The following SUMF1 variants were observed in gnomAD, a reference collection of about 807,000 sequenced individuals.
The protein encoded by SUMF1 is sulfatase modifying factor 1, also known as formylglycine-generating enzyme.
In SUMF1, 48 loss-of-function variants were observed where a neutral mutation model predicts 47.6. That is an observed-to-expected ratio of 1.01 (90% confidence interval 0.80 to 1.28). SUMF1 has a LOEUF of 1.28. SUMF1 is among the 50% of genes most tolerant of loss of function. The pLI is 0.00. For missense variants in SUMF1, 571 were observed against 485.4 expected, an observed-to-expected ratio of 1.18 and a Z score of -1.66; for synonymous variants, 230 against 192.1, an observed-to-expected ratio of 1.20 and a Z score of -1.63.
In SUMF1 at chr3:4,375,873, C is replaced by G. The variant is rs534205206; in HGVS notation, c.1014+457G>C. 7.9e-5 allele frequency among the ~76,000 whole-genome samples: 12 copies of G among 152,294 alleles called. No homozygotes were observed. In the East Asian group the frequency reaches 2.3e-3, roughly 29 times the overall value. ...CTCTCTGGGAATGATGCTTATTTCA[C>G]AAGGCACACTTTGTACCTAGAACAC... On this transcript the variant is annotated intron_variant, in intron 8 of 8. Transcript: ENST00000272902.
At chr3:4,080,636 CTT>C (rs1344140789) in intron 8 of SUMF1, among the ~76,000 whole-genome samples, 7 of 152,178 alleles carry the variant, frequency 4.6e-5, no homozygotes, top group Non-Finnish European at 7.4e-5. Flanking sequence ...AAAATATGGA[CTT>C]AACATTAATC....
At chr3:4,254,289 A>G (rs1696891095) in intron 8 of SUMF1, among the ~76,000 whole-genome samples, 1 of 151,908 alleles carries the variant, frequency 6.6e-6, no homozygotes, top group South Asian at 2.1e-4. Flanking sequence ...CTGAGAGAAG[A>G]AGGCTTCAGA....
chr3:4,149,122 T>G (rs568805156), intron 8 of SUMF1, among the ~76,000 whole-genome samples: 3 of 152,270 alleles, frequency 2.0e-5, no homozygotes, highest in Non-Finnish European at 4.4e-5. Context: ...TCTGGAACTT[T>G]CCTCACATGA....
At chr3:4,359,607 T>G (rs577120618), downstream of SUMF1, among the ~76,000 whole-genome samples, 2 of 152,032 alleles carry the variant, frequency 1.3e-5, no homozygotes, top group Non-Finnish European at 2.9e-5. Context: ...ACAATCATGG[T>G]GGAAGGCACC....
intron 3 of SUMF1, among the ~76,000 whole-genome samples, chr3:4,432,347 C>G (rs966160051): frequency 1.3e-5 from 2 of 151,968 alleles, no homozygotes; most frequent in African/African-American, 4.8e-5. Flanking sequence ...TCAGACCCAT[C>G]ATCTCTCACC....
At chr3:4,218,333 T>C (rs939346624) in intron 8 of SUMF1, among the ~76,000 whole-genome samples, 24 of 152,150 alleles carry the variant, frequency 1.6e-4, no homozygotes, top group African/African-American at 5.5e-4. Flanking sequence ...AATGGCAAAA[T>C]GCAAAGATTT....
chr3:4,192,493 T>C (rs1034558634), intron 8 of SUMF1, among the ~76,000 whole-genome samples: 2 of 152,010 alleles, frequency 1.3e-5, no homozygotes, highest in African/African-American at 4.8e-5. Flanking sequence ...ACATAAATCC[T>C]CTACCTTATT....
intron 8 of SUMF1, among the ~76,000 whole-genome samples, chr3:4,271,465 CTATA>C (rs766272349): frequency 1.3e-3 from 183 of 136,016 alleles, no homozygotes; most frequent in East Asian, 3.2e-3. Context: ...TTTATACTAT[CTATA>C]GATAGATAGA....
chr3:4,063,863 G>A (rs1695320184), intron 9 of SUMF1, among the ~76,000 whole-genome samples: 1 of 152,106 alleles, frequency 6.6e-6, no homozygotes. Flanking sequence ...AATACAGTTT[G>A]ATGAAAGTCA....
intron 8 of SUMF1, among the ~76,000 whole-genome samples, chr3:4,202,505 A>G (rs892266459): frequency 1.3e-5 from 2 of 151,934 alleles, no homozygotes; most frequent in Non-Finnish European, 2.9e-5. Context: ...TCTGATTACT[A>G]TAGCTCTGTA....
intron 3 of SUMF1, among the ~76,000 whole-genome samples, chr3:4,439,694 A>AG (rs1702516111): frequency 6.6e-6 from 1 of 151,940 alleles, no homozygotes; most frequent in African/African-American, 2.4e-5. Flanking sequence ...GAGAAAAAAA[A>AG]ATCTTTCTTA....
chr3:4,320,108 A>G (rs554558930), intron 8 of SUMF1, among the ~76,000 whole-genome samples: 139 of 152,340 alleles, frequency 9.1e-4, no homozygotes, highest in African/African-American at 3.1e-3. Context: ...AAACATATAG[A>G]ACTTTACTGC....
At chr3:4,291,047 C>T (rs961570649) in intron 8 of SUMF1, among the ~76,000 whole-genome samples, 2 of 152,174 alleles carry the variant, frequency 1.3e-5, no homozygotes, top group Non-Finnish European at 2.9e-5. Context: ...CCTCACAGGA[C>T]TCTTTTAAGG....
intron 8 of SUMF1, among the ~76,000 whole-genome samples, chr3:4,289,449 G>C (rs1423235555): frequency 6.6e-6 from 1 of 152,048 alleles, no homozygotes; most frequent in Non-Finnish European, 1.5e-5. Flanking sequence ...GTCACACATA[G>C]ACTGTCTGTT....
intron 9 of SUMF1, among the ~76,000 whole-genome samples, chr3:4,040,189 T>C (rs1694884128): frequency 1.3e-5 from 2 of 152,154 alleles, no homozygotes; most frequent in Non-Finnish European, 1.5e-5. Context: ...TTTGTACTCC[T>C]TAAATATATA....
At chr3:4,399,266 G>A (rs1231771498) in intron 7 of SUMF1, among the ~76,000 whole-genome samples, 1 of 152,080 alleles carries the variant, frequency 6.6e-6, no homozygotes. Flanking sequence ...ATTATACAGG[G>A]ATGCAGGGTC....
At chr3:4,165,043 A>T (rs1694666580) in intron 8 of SUMF1, among the ~76,000 whole-genome samples, 2 of 152,138 alleles carry the variant, frequency 1.3e-5, no homozygotes, top group South Asian at 4.1e-4. Flanking sequence ...ATCTGAGTCT[A>T]GGTCCCAGTG....
intron 8 of SUMF1, among the ~76,000 whole-genome samples, chr3:4,251,106 T>C (rs1696792459): frequency 1.3e-5 from 2 of 152,194 alleles, no homozygotes; most frequent in Admixed American, 6.5e-5. Context: ...TTCACCATTC[T>C]AGATACCATT....
At chr3:4,226,589 C>T (rs1021775397) in intron 8 of SUMF1, among the ~76,000 whole-genome samples, 9 of 151,712 alleles carry the variant, frequency 5.9e-5, no homozygotes, top group East Asian at 3.9e-4. Flanking sequence ...TTTTAATCTC[C>T]GCAGCACTTA....
Sources: allele counts gnomAD v4.1 joint callset (sites outside exome capture counted in the v4.1 genomes callset), GRCh38; gene constraint gnomAD v4.1.1; transcripts MANE v1.5; gene names NCBI Gene and HGNC (gene_info 2026-07-23, HGNC 2026-07-21).